The following GPC1 variants were observed in gnomAD, a reference collection of about 807,000 sequenced individuals.
The protein encoded by GPC1 is glypican-1.
GPC1 carries 26 observed loss-of-function variants against 51.5 expected under a neutral mutation model. The observed-to-expected ratio is 0.50, with a 90% CI of 0.37 to 0.70. The LOEUF is 0.70. Ranked by LOEUF, GPC1 falls within the 30% of genes least tolerant of loss-of-function variation. GPC1 has a pLI of 0.00. For synonymous variants in GPC1, 380 were observed against 348.3 expected, an observed-to-expected ratio of 1.09 and a Z score of -1.01; for missense variants, 775 against 800.5, an observed-to-expected ratio of 0.97 and a Z score of 0.38.
chr2:240,456,747 C>A (rs2074168480), intron 1 of GPC1: 1 of 409,544 alleles, frequency 2.4e-6, no homozygotes, highest in South Asian at 1.7e-5. Context: ...GGGGCGGTTC[C>A]TGCTCTAAAT....
At chr2:240,463,841 CACAT>C in intron 4 of GPC1, 2 of 365,640 alleles carry the variant, frequency 5.5e-6, no homozygotes, top group East Asian at 5.4e-5. Context: ...TTTAAGCTAA[CACAT>C]ACATGCACCG....
In GPC1 at chr2:240,466,249, C is replaced by T. The variant is rs1240440908; in HGVS notation, c.1636C>T (p.Leu546Phe). ...QPPTFLLPLLLFLALTVARPR... is the reference protein window; with the variant it reads ...QPPTFLLPLLFFLALTVARPR... ...CCCGACCTTCCTCCTGCCCCTCCTC[C>T]TCTTCCTGGCCCTTACAGTAGCCAG... Residue 546 changes from leucine to phenylalanine, a missense_variant, in exon 9 of 9, where the codon CTC (leucine) becomes TTC (phenylalanine). Physicochemically the swap from Leu to Phe is conservative, Grantham distance 22. Transcript: ENST00000264039. The T allele has an allele frequency of 2.5e-6, 4 of 1,611,158 alleles. No homozygotes were observed. The highest frequency in any genetic ancestry group is 3.4e-6 in the Non-Finnish European group (4 of 1,177,888).
At chr2:240,449,322 C>CCCG (rs1335306574) in intron 1 of GPC1, 1 of 148,110 alleles carries the variant, frequency 6.8e-6, no homozygotes, top group African/African-American at 2.5e-5. Context: ...CGCCCCCCCC[C>CCCG]ACCCCCACGC....
chr2:240,449,722 C>T (rs560036570), intron 1 of GPC1: 56 of 419,712 alleles, frequency 1.3e-4, no homozygotes, highest in African/African-American at 9.6e-4. Flanking sequence ...TTCCCCTCTC[C>T]ACCGCCCCTG....
At chr2:240,463,833 T>C (rs1197949825) in intron 4 of GPC1, 1 of 393,958 alleles carries the variant, frequency 2.5e-6, no homozygotes, top group East Asian at 4.8e-5. Context: ...GGCACTTGTT[T>C]AAGCTAACAC....
intron 1 of GPC1, among the ~76,000 whole-genome samples, chr2:240,455,301 G>A (rs2074147653): frequency 6.6e-6 from 1 of 152,218 alleles, no homozygotes; most frequent in African/African-American, 2.4e-5. Flanking sequence ...CTGAGGGAGG[G>A]GAGCGCTGTG....
At chr2:240,454,164 C>A (rs1024987629) in intron 1 of GPC1, among the ~76,000 whole-genome samples, 8 of 152,122 alleles carry the variant, frequency 5.3e-5, no homozygotes, top group Non-Finnish European at 1.0e-4. Flanking sequence ...GCTGAGATGC[C>A]GTGGCCGGTC....
Position 240,464,605 on chromosome 2 carries a change from G to C in GPC1, c.884-11G>C. ...AACGCCTGTGTGTCCGCGTGTTAAC[G>C]CCTGTCCTAGACTCCATGGTGCTCA... On this transcript the variant is annotated splice_polypyrimidine_tract_variant and intron_variant, in intron 4 of 8. Coordinates refer to ENST00000264039, the MANE Select transcript of GPC1 (RefSeq NM_002081.3). 1 of 1,611,424 alleles carries C rather than the reference G, an allele frequency of 6.2e-7. No homozygotes were observed. The highest frequency in any genetic ancestry group is 8.5e-7 in the Non-Finnish European group (1 of 1,178,754).
rs541777964 is a variant in GPC1, at chr2:240,437,394, C to T, written c.166+1310C>T. Among the ~76,000 whole-genome samples the T allele has an allele frequency of 7.2e-5, 11 of 151,930 alleles. No homozygotes were observed. In the East Asian group the frequency reaches 1.6e-3, roughly 22 times the overall value. On this transcript the variant is annotated intron_variant, in intron 1 of 8. Transcript: ENST00000264039. ...GGTTCTTGTAAGGGCCCCCTGACCG[C>T]CCCCCACAGAAGGAACAGAACCCGC...
intron 8 of GPC1, among the ~76,000 whole-genome samples, 193 bp downstream of exon 8, chr2:240,465,841 C>T (rs1264830647): frequency 6.6e-6 from 1 of 152,166 alleles, no homozygotes; most frequent in Non-Finnish European, 1.5e-5. Context: ...GAGGCCTGGC[C>T]GGGATGTCTG....
chr2:240,445,795 T>C (rs537408735), intron 1 of GPC1, among the ~76,000 whole-genome samples: 2 of 152,318 alleles, frequency 1.3e-5, no homozygotes, highest in African/African-American at 4.8e-5. Context: ...CGCCGCTGTT[T>C]ATGCCCCTCC....
chr2:240,439,104 G>A (rs981590119), intron 1 of GPC1, among the ~76,000 whole-genome samples: 3 of 152,236 alleles, frequency 2.0e-5, no homozygotes, highest in African/African-American at 4.8e-5. Context: ...GTGATGTGAT[G>A]TGTGTCTGTT....
At chr2:240,455,911 CAG>C in intron 1 of GPC1, 1 of 324,490 alleles carries the variant, frequency 3.1e-6, no homozygotes. Context: ...GTCCAGCCTG[CAG>C]CGGGCCTCAG....
intron 2 of GPC1, among the ~76,000 whole-genome samples, chr2:240,461,695 AG>A (rs1418725723): frequency 1.3e-5 from 2 of 152,120 alleles, no homozygotes; most frequent in Admixed American, 1.3e-4. Flanking sequence ...CAGCCGAGAC[AG>A]GGTGGCGGGA....
chr2:240,455,912 A>C, intron 1 of GPC1: 1 of 324,174 alleles, frequency 3.1e-6, no homozygotes. Context: ...TCCAGCCTGC[A>C]GCGGGCCTCA....
At position 240,467,203 on chromosome 2, in the gene GPC1, GAC is replaced by G. The variant is rs1304238796; in HGVS notation, c.*917_*918del. 1 of 152,340 alleles carries G rather than the reference GAC, an allele frequency of 6.6e-6. No homozygotes were observed. Among genetic ancestry groups the G allele is most frequent in the Non-Finnish European group, 1.5e-5 (1 of 68,110 alleles). The allele number at this position is 152,340 out of a possible 1,614,324, so 9.4% of individuals were successfully genotyped here. ...GAACCAGGGCCTCCCTGTTCACGGT[GAC>G]ACAGGTCAGGGCTCAGAGTGACCCT... On this transcript the variant is annotated 3_prime_UTR_variant, in exon 9 of 9. Transcript: ENST00000264039.
Position 240,436,005 on chromosome 2 carries a change from C to T in GPC1, c.87C>T (p.Ser29=), listed in dbSNP as rs372604158. ...ACARGDPASK[S]RSCGEVRQIY... is the part of the protein sequence containing the mutation. ...CCCGCGGGGACCCGGCCAGCAAGAG[C>T]CGGAGCTGCGGCGAGGTCCGCCAGA... The change falls in exon 1 of 9, where the codon AGC becomes AGT. Residue 29 remains serine (S), a synonymous_variant. Coordinates refer to ENST00000264039, the MANE Select transcript of GPC1 (RefSeq NM_002081.3). 1.4e-6 allele frequency: 2 copies of T among 1,384,338 alleles called. No homozygotes were observed. The highest frequency in any genetic ancestry group is 2.9e-5 in the East Asian group (1 of 34,224). The allele number at this position is 1,384,338 out of a possible 1,614,324, so 85.8% of individuals were successfully genotyped here.
At chr2:240,458,282 T>C (rs1447390714) in intron 1 of GPC1, 11 of 300,186 alleles carry the variant, frequency 3.7e-5, no homozygotes, top group Non-Finnish European at 7.6e-5. Context: ...AAGCCTGTCC[T>C]GTCCCCACTC....
In GPC1 at chr2:240,448,008, T is replaced by C. The variant is rs1423984362; in HGVS notation, c.167-11022T>C. 6.6e-6 allele frequency among the ~76,000 whole-genome samples: 1 copy of C among 151,860 alleles called. No individual in the cohort carries two copies. The highest frequency in any genetic ancestry group is 2.4e-5 in the African/African-American group (1 of 41,332). On this transcript the variant is annotated intron_variant, in intron 1 of 8. Transcript: ENST00000264039. The surrounding 1 kb of genome is among the most constrained non-coding windows in gnomAD (Gnocchi z 4.5). ...GAGATGGTGGAAATGGCAAGAAGAG[T>C]TGCTGCCAGGCCATTCTGGGTGGAA...
Sources: gnomAD v4.1 joint callset for allele counts (sites outside exome capture counted in the v4.1 genomes callset) on GRCh38, gnomAD v4.1.1 for gene constraint, Gnocchi (gnomAD v3.1) non-coding constraint, MANE v1.5 for transcripts, NCBI Gene and HGNC (gene_info 2026-07-23, HGNC 2026-07-21) for gene names.